Variants in EXD3 observed in about 807,000 individuals in gnomAD.
EXD3 encodes exonuclease mut-7 homolog.
EXD3 carries 92 observed loss-of-function variants against 98.0 expected under a neutral mutation model. That is an observed-to-expected ratio of 0.94 (90% CI 0.79 to 1.12). The LOEUF is 1.12. Ranked by LOEUF, EXD3 falls within the 50% of genes most tolerant of loss-of-function variation. EXD3 has a pLI of 0.00. For synonymous variants in EXD3, 569 were observed against 526.0 expected (o/e 1.08, Z -1.12); for missense variants, 1,222 against 1,191.6 (o/e 1.03, Z -0.38).
chr9:137,388,898 C>T (rs548487269), intron 2 of EXD3, among the ~76,000 whole-genome samples: 1 of 152,312 alleles, frequency 6.6e-6, no homozygotes, highest in East Asian at 1.9e-4. Context: ...CAGGCACCTG[C>T]TATCAGCACA....
At position 137,373,586 on chromosome 9, in the gene EXD3, G is replaced by T. The variant is rs367771083; in HGVS notation, c.134C>A (p.Ala45Asp). 2 of 1,601,190 alleles carry T rather than the reference G, an allele frequency of 1.2e-6. No homozygotes were observed. Among genetic ancestry groups the T allele is most frequent in the African/African-American group, 1.3e-5 (1 of 74,766 alleles). ...GTCCAAGGCAGCAAACCCCCGCCAGGCTTCCTCCCGGAGCTGTGGAGACAC... is the reference window on the plus strand; with the variant it reads ...GTCCAAGGCAGCAAACCCCCGCCAGTCTTCCTCCCGGAGCTGTGGAGACAC... ...TRERKQLREE[A>D]WRGFAALDDP... is the part of the protein sequence containing the mutation. Residue 45 changes from alanine to aspartate, a missense_variant, in exon 4 of 22, where the codon GCC (alanine) becomes GAC (aspartate). Coordinates refer to ENST00000340951, the MANE Select transcript of EXD3 (RefSeq NM_017820.5).
rs1221742166 is a variant in EXD3, at chr9:137,347,440, C to T, written c.1998+631G>A. On this transcript the variant is annotated intron_variant, in intron 17 of 21. Coordinates refer to ENST00000340951, the MANE Select transcript of EXD3 (RefSeq NM_017820.5). This position sits in a 1 kb window ranked among gnomAD's most constrained non-coding sequence, Gnocchi z 4.2. ...TCTCTCTGTCTTCTGTGTTCCATTC[C>T]TGCTTTTTTTCTTTTTTTTTTAAGA... 6.6e-6 allele frequency among the ~76,000 whole-genome samples: 1 copy of T among 151,662 alleles called. No homozygotes were observed. Among genetic ancestry groups the T allele is most frequent in the Non-Finnish European group, 1.5e-5 (1 of 67,976 alleles).
Position 137,407,462 on chromosome 9 carries a change from C to CA in EXD3, c.-47-12059dup, listed in dbSNP as rs899576011. Among the ~76,000 whole-genome samples, 27 of 152,208 alleles carry CA rather than the reference C, an allele frequency of 1.8e-4. No homozygotes were observed. Among genetic ancestry groups the CA allele is most frequent in the Non-Finnish European group, 3.5e-4 (24 of 68,040 alleles). On this transcript the variant is annotated intron_variant, in intron 1 of 21. Coordinates refer to ENST00000340951, the MANE Select transcript of EXD3 (RefSeq NM_017820.5). This position sits in a 1 kb window ranked among gnomAD's most constrained non-coding sequence, Gnocchi z 4.4. ...CTTTCCTGGGGGCCTCTGTGCCGTGCAAAGGGCAGGTCTGGCCGCTCTCGG... is the reference window on the plus strand; with the variant it reads ...CTTTCCTGGGGGCCTCTGTGCCGTGCAAAAGGGCAGGTCTGGCCGCTCTCGG...
intron 3 of EXD3, among the ~76,000 whole-genome samples, chr9:137,378,340 C>T (rs965023169): frequency 6.6e-6 from 1 of 152,172 alleles, no homozygotes; most frequent in African/African-American, 2.4e-5. Context: ...TCGCAAATAG[C>T]AGGGACTACA....
At chr9:137,377,788 ATTTTTTTTT>A (rs571059789) in intron 3 of EXD3, among the ~76,000 whole-genome samples, 1 of 131,790 alleles carries the variant, frequency 7.6e-6, no homozygotes, top group South Asian at 2.4e-4. Context: ...TAGTCGTTGA[ATTTTTTTTT>A]TTTTTTTTTT....
At position 137,351,326 on chromosome 9, in the gene EXD3, GT is replaced by G; in HGVS notation, c.1375del (p.Thr459ProfsTer57). The G allele has an allele frequency of 6.2e-7, 1 of 1,611,474 alleles. No homozygotes were observed. Among genetic ancestry groups the G allele is most frequent in the Non-Finnish European group, 8.5e-7 (1 of 1,179,478 alleles). The part of the protein sequence containing the change: ...VAQLLSDPSI[T>X]KLGYGMVGDL... ...CCCAGGGCTTCACTCACCCAGCTTG[GT>G]GATAGAGGGGTCCGAGAGGAGCTGG... On this transcript the variant is annotated frameshift_variant, in exon 13 of 22. Coordinates refer to ENST00000340951, the MANE Select transcript of EXD3 (RefSeq NM_017820.5). LOFTEE classifies it high-confidence loss of function.
intron 3 of EXD3, chr9:137,374,886 A>G (rs1835815857): frequency 1.0e-6 from 1 of 983,992 alleles, no homozygotes; most frequent in Admixed American, 6.1e-5. Flanking sequence ...AACTCTAGTG[A>G]GTCCTGGCCC....
At chr9:137,307,776 C>T in intron 20 of EXD3, 130 bp from the exon 21 acceptor site, 2 of 1,007,708 alleles carry the variant, frequency 2.0e-6, no homozygotes, top group Non-Finnish European at 2.9e-6. Context: ...CACACACCCC[C>T]CAGCCTTCGC....
At chr9:137,348,808 G>A (rs1165662941) in intron 16 of EXD3, among the ~76,000 whole-genome samples, 5 of 150,402 alleles carry the variant, frequency 3.3e-5, no homozygotes, top group African/African-American at 1.2e-4. Flanking sequence ...TGGGGATCAC[G>A]GGGAGGGGGC....
chr9:137,349,429 T>C lies in EXD3; in HGVS notation c.1597A>G (p.Thr533Ala). 1.2e-6 allele frequency: 2 copies of C among 1,600,834 alleles called. No individual in the cohort carries two copies. Among genetic ancestry groups the C allele is most frequent in the Non-Finnish European group, 1.7e-6 (2 of 1,177,486 alleles). ...QQVLGTALDKTQQLSNWDRRP... is the reference protein window; with the variant it reads ...QQVLGTALDKAQQLSNWDRRP... ...CGGTCCCAGTTGGACAGCTGCTGCG[T>C]CTTGTCCAGGGCTGTGCCCAGCACC... The change falls in exon 15 of 22, where the codon ACG (threonine) becomes GCG (alanine). Residue 533 changes from threonine to alanine, a missense_variant. Thr to Ala is a moderately conservative substitution (Grantham distance 58). Transcript: ENST00000340951. This position sits in a 1 kb window ranked among gnomAD's most constrained non-coding sequence, Gnocchi z 7.4.
At chr9:137,384,926 T>C (rs1836506487) in intron 2 of EXD3, among the ~76,000 whole-genome samples, 1 of 152,028 alleles carries the variant, frequency 6.6e-6, no homozygotes, top group Non-Finnish European at 1.5e-5. Flanking sequence ...ACACTATCTC[T>C]ACTAAAACTA....
In EXD3 at chr9:137,395,169, G is replaced by A. The variant is rs1837144988; in HGVS notation, c.55+134C>T. 1 of 788,974 alleles carries A rather than the reference G, an allele frequency of 1.3e-6. No homozygotes were observed. Among genetic ancestry groups the A allele is most frequent in the African/African-American group, 1.7e-5 (1 of 58,892 alleles). The allele number at this position is 788,974 out of a possible 1,614,324, so 48.9% of individuals were successfully genotyped here. ...GGTCCCAAGCCGTGGACACTGTAGA[G>A]AGGCCCGCAGCTAGGGGCCAGCAGC... On this transcript the variant is annotated intron_variant, in intron 2 of 21. Transcript: ENST00000340951. The surrounding 1 kb of genome is among the most constrained non-coding windows in gnomAD (Gnocchi z 6.5).
chr9:137,356,208 C>T, intron 8 of EXD3, 60 bp downstream of exon 8: 1 of 1,314,316 alleles, frequency 7.6e-7, no homozygotes, highest in Non-Finnish European at 1.1e-6. Context: ...GAGGATGTCC[C>T]TGGCCACGCT....
chr9:137,315,393 G>T (rs1466109040), intron 19 of EXD3, among the ~76,000 whole-genome samples: 2 of 152,222 alleles, frequency 1.3e-5, no homozygotes, highest in African/African-American at 4.8e-5. Flanking sequence ...CGCCACCGCC[G>T]GAGAGACCAC....
At chr9:137,376,697 A>C (rs1013980262) in intron 3 of EXD3, among the ~76,000 whole-genome samples, 1 of 152,122 alleles carries the variant, frequency 6.6e-6, no homozygotes, top group African/African-American at 2.4e-5. Context: ...TGGGAGGCCA[A>C]GGTGGGCGGA....
intron 1 of EXD3, among the ~76,000 whole-genome samples, chr9:137,408,437 C>T (rs1374947812): frequency 6.6e-6 from 1 of 151,134 alleles, no homozygotes; most frequent in African/African-American, 2.4e-5. Flanking sequence ...GTCCCAGCTA[C>T]TCCGGAGGCT....
chr9:137,343,811 A>G (rs1233211212), intron 17 of EXD3, among the ~76,000 whole-genome samples: 1 of 145,702 alleles, frequency 6.9e-6, no homozygotes, highest in East Asian at 2.0e-4. Context: ...GGTGGTCTTG[A>G]TCTCCTAACC....
chr9:137,355,577 A>AG (rs1415338370), intron 8 of EXD3, among the ~76,000 whole-genome samples: 6 of 37,200 alleles, frequency 1.6e-4, no homozygotes, highest in African/African-American at 5.4e-4. Context: ...GGATGGAGGA[A>AG]GGAGGAAGGA....
chr9:137,396,948 G>A (rs1837243828), intron 1 of EXD3, among the ~76,000 whole-genome samples: 1 of 152,380 alleles, frequency 6.6e-6, no homozygotes, highest in South Asian at 2.1e-4. Flanking sequence ...TGGAGCCTGG[G>A]CTGGGCACAG....
Sources: gnomAD v4.1 joint callset for allele counts (sites outside exome capture counted in the v4.1 genomes callset) on GRCh38, gnomAD v4.1.1 for gene constraint, Gnocchi (gnomAD v3.1) non-coding constraint, MANE v1.5 for transcripts, NCBI Gene and HGNC (gene_info 2026-07-23, HGNC 2026-07-21) for gene names.